The following TCF4 variants were observed in gnomAD, a reference collection of about 807,000 sequenced individuals.
TCF4 encodes transcription factor 4.
A neutral mutation model predicts 82.1 loss-of-function variants in TCF4; 3 were observed. The observed-to-expected ratio is 0.04, with a 90% CI of 0.02 to 0.09. The LOEUF is 0.09. Among genes scored for constraint, TCF4 ranks in the 10% least tolerant of loss-of-function variants. The pLI, the probability that TCF4 is intolerant of heterozygous loss-of-function variation, is 1.00. For missense variants in TCF4, 518 were observed against 852.7 expected, an observed-to-expected ratio of 0.61 and a Z score of 4.89; for synonymous variants, 276 against 309.6, an observed-to-expected ratio of 0.89 and a Z score of 1.14.
chr18:55,624,574 A>AT (rs1555792113), intron 2 of TCF4, among the ~76,000 whole-genome samples: 3 of 118,726 alleles, frequency 2.5e-5, no homozygotes, highest in Non-Finnish European at 5.9e-5. Flanking sequence ...AAAGACCCAG[A>AT]TTAAAAAAAA....
chr18:55,533,518 T>A (rs776534582), intron 3 of TCF4, among the ~76,000 whole-genome samples: 6 of 152,156 alleles, frequency 3.9e-5, no homozygotes, highest in Non-Finnish European at 8.8e-5. Flanking sequence ...CAAGATCACC[T>A]CATAGCCTCA....
chr18:55,262,978 G>A (rs780295397), intron 11 of TCF4, among the ~76,000 whole-genome samples: 8 of 151,944 alleles, frequency 5.3e-5, no homozygotes, highest in African/African-American at 7.3e-5. Flanking sequence ...AGTAATTTTC[G>A]TATTTTTAGT....
intron 11 of TCF4, chr18:55,267,370 T>C (rs2059415241): frequency 6.6e-6 from 1 of 152,096 alleles, no homozygotes; most frequent in South Asian, 2.1e-4. Flanking sequence ...GTTAGGGTAG[T>C]ATCACTAACA....
At chr18:55,289,262 T>C (rs544524223) in intron 8 of TCF4, among the ~76,000 whole-genome samples, 1 of 152,340 alleles carries the variant, frequency 6.6e-6, no homozygotes. Flanking sequence ...ATTACCAGGC[T>C]CAGGGTTGGC....
chr18:55,556,702 CAT>C (rs1318351906), intron 3 of TCF4, among the ~76,000 whole-genome samples: 3 of 152,192 alleles, frequency 2.0e-5, no homozygotes, highest in Non-Finnish European at 2.9e-5. Flanking sequence ...AATAAATACA[CAT>C]GTGTATATTA....
intron 3 of TCF4, chr18:55,510,622 C>G: frequency 1.3e-6 from 2 of 1,516,348 alleles, no homozygotes; most frequent in Non-Finnish European, 8.8e-7. Flanking sequence ...ATAAATTCCC[C>G]CAATATATCT....
chr18:55,338,645 C>T (rs190724397), intron 8 of TCF4, among the ~76,000 whole-genome samples: 1 of 152,134 alleles, frequency 6.6e-6, no homozygotes, highest in African/African-American at 2.4e-5. Context: ...ATGGGGTTCC[C>T]GAAAATTGAT....
rs118010901 is a variant in TCF4, at chr18:55,494,569, T to C, written c.146-30432A>G. Reference sequence around the variant, plus strand: ...CCATTGATTTATAGTATTAGGGCACTACAATCACAGACATTTTTCAGGATA... The same window carrying C: ...CCATTGATTTATAGTATTAGGGCACCACAATCACAGACATTTTTCAGGATA... On this transcript the variant is annotated intron_variant, in intron 3 of 19. Coordinates refer to ENST00000354452, the MANE Select transcript of TCF4 (RefSeq NM_001083962.2). Among the ~76,000 whole-genome samples the C allele has an allele frequency of 2.6e-3, 401 of 152,194 alleles. 7 individuals are homozygous for C. The East Asian group carries it at 0.04, about 15-fold the overall frequency.
At chr18:55,235,457 G>C (rs567506630) in intron 15 of TCF4, among the ~76,000 whole-genome samples, 5 of 152,016 alleles carry the variant, frequency 3.3e-5, no homozygotes, top group African/African-American at 1.2e-4. Context: ...TCTGACCCTA[G>C]AAAGACACCA....
At chr18:55,406,985 A>G (rs1027071260) in intron 5 of TCF4, among the ~76,000 whole-genome samples, 8 of 152,096 alleles carry the variant, frequency 5.3e-5, no homozygotes, top group African/African-American at 1.9e-4. Flanking sequence ...TAATCGCTCA[A>G]GTCTTTTACT....
At chr18:55,228,762 AC>A (rs2047052964) in intron 18 of TCF4, 84 bp downstream of exon 18, 3 of 1,369,802 alleles carry the variant, frequency 2.2e-6, no homozygotes, top group Non-Finnish European at 3.1e-6. Flanking sequence ...ACTGTCTGCC[AC>A]TGCTCAAGAC....
intron 1 of TCF4, among the ~76,000 whole-genome samples, chr18:55,634,647 T>C (rs1180410165): frequency 6.6e-6 from 1 of 152,184 alleles, no homozygotes; most frequent in East Asian, 1.9e-4. Context: ...GAGCAATAAG[T>C]TGTGAGTCAC....
rs146026683 is a variant in TCF4, at chr18:55,409,857, G to T, written c.305-6339C>A. Among the ~76,000 whole-genome samples the T allele has an allele frequency of 1.1e-3, 172 of 152,214 alleles. 1 individual carries two copies. Among genetic ancestry groups the T allele is most frequent in the African/African-American group, 4.1e-3 (169 of 41,528 alleles). On this transcript the variant is annotated intron_variant, in intron 5 of 19. Transcript: ENST00000354452. ...ACTTTACTCCTGATCCCAGTTTGGA[G>T]GTGAGACTCTGGGTTTACAAAAAAG...
intron 3 of TCF4, 108 bp downstream of exon 3, chr18:55,585,171 TA>T: frequency 2.0e-6 from 2 of 996,004 alleles, no homozygotes; most frequent in Non-Finnish European, 3.2e-6. Flanking sequence ...GATTACAGGC[TA>T]AAATTCAATG....
intron 8 of TCF4, among the ~76,000 whole-genome samples, chr18:55,298,058 T>C (rs912925424): frequency 3.3e-5 from 5 of 152,176 alleles, no homozygotes; most frequent in Admixed American, 6.5e-5. Flanking sequence ...ATAAAAAAGA[T>C]TGGCTCCTCT....
At chr18:55,457,071 T>C (rs201194221) in intron 5 of TCF4, among the ~76,000 whole-genome samples, 111 of 152,348 alleles carry the variant, frequency 7.3e-4, no homozygotes, top group Middle Eastern at 3.4e-3. Flanking sequence ...TCTTAGTAAA[T>C]GTCAGGTAAA....
intron 6 of TCF4, among the ~76,000 whole-genome samples, chr18:55,390,018 A>G (rs1207195119): frequency 4.6e-5 from 7 of 152,196 alleles, no homozygotes; most frequent in South Asian, 4.1e-4. Flanking sequence ...CTGAAATCCA[A>G]TCAATGGAAT....
chr18:55,540,470 C>T (rs2097156143), intron 3 of TCF4, among the ~76,000 whole-genome samples: 1 of 152,042 alleles, frequency 6.6e-6, no homozygotes, highest in African/African-American at 2.4e-5. Context: ...GTCTTCATTA[C>T]AGAGAAATAT....
In TCF4 at chr18:55,226,648, CGAA is replaced by C. The variant is rs1477573671; in HGVS notation, c.*1384_*1386del. 2 of 151,980 alleles carry C rather than the reference CGAA, an allele frequency of 1.3e-5. No individual in the cohort carries two copies. The highest frequency in any genetic ancestry group is 2.9e-5 in the Non-Finnish European group (2 of 67,944). 9.4% of individuals were successfully genotyped at this position (151,980 alleles called of 1,614,324 possible). On this transcript the variant is annotated 3_prime_UTR_variant, in exon 20 of 20. Coordinates refer to ENST00000354452, the MANE Select transcript of TCF4 (RefSeq NM_001083962.2). ...TGATTGAATATTGGCATTTTTCAGA[CGAA>C]GGAGGAGGCAGTTAAGTCATCTACA...
Sources: allele counts gnomAD v4.1 joint callset (sites outside exome capture counted in the v4.1 genomes callset), GRCh38; gene constraint gnomAD v4.1.1; transcripts MANE v1.5; gene names NCBI Gene and HGNC (gene_info 2026-07-23, HGNC 2026-07-21).